The following ASTN1 variants were observed in gnomAD, a reference collection of about 807,000 sequenced individuals.
The protein encoded by ASTN1 is astrotactin-1.
ASTN1 carries 41 observed loss-of-function variants against 140.7 expected under a neutral mutation model. That is an observed-to-expected ratio of 0.29 (90% CI 0.23 to 0.38). The LOEUF (loss-of-function observed/expected upper bound fraction) is 0.38. Ranked by LOEUF, ASTN1 falls within the 10% of genes least tolerant of loss-of-function variation. ASTN1 has a pLI of 1.00. For synonymous variants in ASTN1, 640 were observed against 652.2 expected, an observed-to-expected ratio of 0.98 and a Z score of 0.29; for missense variants, 1,479 against 1,678.8, an observed-to-expected ratio of 0.88 and a Z score of 2.08.
intron 1 of ASTN1, among the ~76,000 whole-genome samples, chr1:177,116,129 T>C (rs1681080713): frequency 1.3e-5 from 2 of 152,140 alleles, no homozygotes; most frequent in African/African-American, 4.8e-5. Context: ...TGATTTTCTC[T>C]TGCTTGGGAC....
chr1:177,030,844 G>A lies in ASTN1; in HGVS notation c.974C>T (p.Ser325Phe). 1.2e-6 allele frequency: 2 copies of A among 1,614,180 alleles called. No homozygotes were observed. The highest frequency in any genetic ancestry group is 1.7e-6 in the Non-Finnish European group (2 of 1,180,032). ...GTTGATCCGCTTTCTCTGGCTGCTGGAGGTGTGAGAGAGAAGGGTGGCTTG... is the reference window on the plus strand; with the variant it reads ...GTTGATCCGCTTTCTCTGGCTGCTGAAGGTGTGAGAGAGAAGGGTGGCTTG... The part of the protein sequence containing the change: ...HQQATLLSHT[S>F]SSQRKRINNK... Residue 325 changes from serine to phenylalanine, a missense_variant, in exon 4 of 23, where the codon TCC becomes TTC. This residue lies in a region of ASTN1 where 729 missense variants were observed against 860.4 expected (regional missense o/e 0.85). Transcript: ENST00000361833.
chr1:177,142,918 CT>C lies in ASTN1; in HGVS notation c.283+21475del, dbSNP rs1682541064. 2.0e-5 allele frequency among the ~76,000 whole-genome samples: 3 copies of C among 149,588 alleles called. 1 individual carries two copies. The South Asian group carries it at 6.3e-4, about 31-fold the overall frequency. Reference sequence around the variant, plus strand: ...AAAAAAAAAAAGGGGGGGAGGGGTGCTGAGTTTCAAGAGCCACAAATTATTT... The same window carrying C: ...AAAAAAAAAAAGGGGGGGAGGGGTGCGAGTTTCAAGAGCCACAAATTATTT... On this transcript the variant is annotated intron_variant, in intron 1 of 22. Transcript: ENST00000361833.
intron 2 of ASTN1, among the ~76,000 whole-genome samples, chr1:177,037,806 A>G (rs1676793449): frequency 6.6e-6 from 1 of 152,206 alleles, no homozygotes; most frequent in Non-Finnish European, 1.5e-5. Context: ...AGAAACCCAC[A>G]TCTATTAACG....
At chr1:176,898,749 G>T (rs1283707765) in intron 16 of ASTN1, among the ~76,000 whole-genome samples, 1 of 152,130 alleles carries the variant, frequency 6.6e-6, no homozygotes, top group Non-Finnish European at 1.5e-5. Flanking sequence ...TGAATCAATG[G>T]CTCACCCCCT....
chr1:177,040,796 G>GT (rs1390306242), intron 2 of ASTN1, among the ~76,000 whole-genome samples: 1 of 152,228 alleles, frequency 6.6e-6, no homozygotes, highest in Non-Finnish European at 1.5e-5. Context: ...TTCAATTCCT[G>GT]TATGAGACTT....
At chr1:177,030,608 G>T (rs552188107) in intron 4 of ASTN1, among the ~76,000 whole-genome samples, 198 bp downstream of exon 4, 1 of 152,260 alleles carries the variant, frequency 6.6e-6, no homozygotes, top group African/African-American at 2.4e-5. Context: ...ATAGACTCTT[G>T]TTGGTGAAAT....
At chr1:176,958,927 A>C (rs1672534503) in intron 9 of ASTN1, among the ~76,000 whole-genome samples, 1 of 152,220 alleles carries the variant, frequency 6.6e-6, no homozygotes, top group South Asian at 2.1e-4. Context: ...AAATAAAGAA[A>C]GAAAGCACCC....
chr1:176,961,730 C>T (rs1672674341), intron 9 of ASTN1, among the ~76,000 whole-genome samples: 1 of 152,164 alleles, frequency 6.6e-6, no homozygotes, highest in South Asian at 2.1e-4. Context: ...ATAGAACAAA[C>T]TGTCAGAGAA....
At chr1:177,048,136 G>C (rs751082793) in intron 2 of ASTN1, among the ~76,000 whole-genome samples, 32 of 152,162 alleles carry the variant, frequency 2.1e-4, no homozygotes, top group Non-Finnish European at 4.0e-4. Flanking sequence ...GATCAAAGAG[G>C]CAAAGGAACT....
In ASTN1 at chr1:177,019,954, G is replaced by A. The variant is rs140105734; in HGVS notation, c.1438+3450C>T. ...GGCTGGAGTGCAATGGTGCAATCTC[G>A]GCTCACTGCAGCCTCGACCTCCCAG... On this transcript the variant is annotated intron_variant, in intron 7 of 22. Coordinates refer to ENST00000361833, the MANE Select transcript of ASTN1 (RefSeq NM_004319.3). 1.1e-4 allele frequency among the ~76,000 whole-genome samples: 17 copies of A among 152,056 alleles called. 1 individual carries two copies. In the East Asian group the frequency reaches 2.3e-3, roughly 21 times the overall value.
intron 7 of ASTN1, among the ~76,000 whole-genome samples, chr1:177,021,911 C>T (rs973803394): frequency 6.6e-6 from 1 of 152,210 alleles, no homozygotes; most frequent in African/African-American, 2.4e-5. Context: ...CCCAAGCATA[C>T]TAGCTTTTGG....
chr1:177,014,442 AGTCTCTGTG>A (rs1206202119), intron 8 of ASTN1, among the ~76,000 whole-genome samples: 1 of 152,158 alleles, frequency 6.6e-6, no homozygotes, highest in Admixed American at 6.6e-5. Context: ...GCTACATTGG[AGTCTCTGTG>A]GCTTCATGTG....
At position 177,163,384 on chromosome 1, in the gene ASTN1, G is replaced by A. The variant is rs1647503697; in HGVS notation, c.283+1010C>T. Among the ~76,000 whole-genome samples, 5 of 152,186 alleles carry A rather than the reference G, an allele frequency of 3.3e-5. No individual in the cohort carries two copies. In the South Asian group the frequency reaches 1.0e-3, roughly 32 times the overall value. On this transcript the variant is annotated intron_variant, in intron 1 of 22. Coordinates refer to ENST00000361833, the MANE Select transcript of ASTN1 (RefSeq NM_004319.3). ...GAGCTCCATCTACACATGGAGAAGT[G>A]AGGGGAATTTGGCAAAGTAACATGA...
chr1:177,064,642 C>T (rs1678261542), intron 1 of ASTN1, among the ~76,000 whole-genome samples: 1 of 152,212 alleles, frequency 6.6e-6, no homozygotes, highest in Non-Finnish European at 1.5e-5. Context: ...CCCATCTCTA[C>T]AGACAGTGAG....
intron 1 of ASTN1, among the ~76,000 whole-genome samples, chr1:177,114,009 T>C (rs1436314481): frequency 2.0e-5 from 3 of 152,158 alleles, no homozygotes; most frequent in Admixed American, 1.3e-4. Flanking sequence ...AAATGATGAC[T>C]GGGAGAAGTC....
At chr1:176,895,193 C>T (rs1306157104) in intron 16 of ASTN1, among the ~76,000 whole-genome samples, 2 of 152,216 alleles carry the variant, frequency 1.3e-5, no homozygotes, top group African/African-American at 4.8e-5. Flanking sequence ...CGAATAGTAT[C>T]TATGTCTAGC....
intron 16 of ASTN1, among the ~76,000 whole-genome samples, chr1:176,911,506 T>C (rs992024543): frequency 6.6e-6 from 1 of 152,190 alleles, no homozygotes; most frequent in African/African-American, 2.4e-5. Flanking sequence ...TACACTATTG[T>C]ATATGCTTTT....
chr1:177,033,664 T>C (rs1429606105), intron 2 of ASTN1, among the ~76,000 whole-genome samples: 2 of 152,308 alleles, frequency 1.3e-5, no homozygotes, highest in Non-Finnish European at 2.9e-5. Context: ...TGATGTTCCG[T>C]CTTCTTACTA....
intron 1 of ASTN1, among the ~76,000 whole-genome samples, chr1:177,159,657 C>G (rs1647237328): frequency 6.6e-6 from 1 of 152,226 alleles, no homozygotes; most frequent in African/African-American, 2.4e-5. Flanking sequence ...ATACAAAGAT[C>G]ACTGGCTTTG....
Sources: allele counts gnomAD v4.1 joint callset (sites outside exome capture counted in the v4.1 genomes callset), GRCh38; gene constraint gnomAD v4.1.1; regional missense constraint gnomAD v4.1.1; transcripts MANE v1.5; gene names NCBI Gene and HGNC (gene_info 2026-07-23, HGNC 2026-07-21).